OCLN: variants seen among roughly 807,000 people sequenced by gnomAD.
OCLN encodes phosphatase 1, regulatory subunit 115.
Under a neutral mutation model 47.9 loss-of-function variants are expected in OCLN, and 21 were observed. That is an observed-to-expected ratio of 0.44 (90% CI 0.31 to 0.63). The LOEUF is 0.63. Among genes scored for constraint, OCLN ranks in the 30% least tolerant of loss-of-function variants. OCLN has a pLI of 0.08. For synonymous variants in OCLN, 117 were observed against 198.4 expected (o/e 0.59, Z 3.45); for missense variants, 360 against 571.0 (o/e 0.63, Z 3.77).
Position 69,493,336 on chromosome 5 carries a change from AGGCGGCTGTTC to A in OCLN, c.-69+443_-69+453del, listed in dbSNP as rs1768195805. On this transcript the variant is annotated intron_variant, in intron 1 of 8. Transcript: ENST00000396442. The surrounding 1 kb of genome is among the most constrained non-coding windows in gnomAD (Gnocchi z 5.3). ...GGGTCCTAAGCCTGAGGCTGCAGCGAGGCGGCTGTTCGGCGGCCCGGGCGGCTTAGATCCCG... is the reference window on the plus strand; with the variant it reads ...GGGTCCTAAGCCTGAGGCTGCAGCGAGGCGGCCCGGGCGGCTTAGATCCCG... Among the ~76,000 whole-genome samples the A allele has an allele frequency of 6.6e-6, 1 of 151,826 alleles. No individual in the cohort carries two copies. Among genetic ancestry groups the A allele is most frequent in the African/African-American group, 2.4e-5 (1 of 41,308 alleles).
At chr5:69,527,521 T>C (rs1042705492) in intron 4 of OCLN, among the ~76,000 whole-genome samples, 7 of 152,210 alleles carry the variant, frequency 4.6e-5, no homozygotes, top group African/African-American at 1.7e-4. Flanking sequence ...TGTGGGTACA[T>C]AGTAGGCTTA....
intron 4 of OCLN, among the ~76,000 whole-genome samples, chr5:69,526,573 T>C (rs1014588774): frequency 6.6e-6 from 1 of 152,188 alleles, no homozygotes; most frequent in Non-Finnish European, 1.5e-5. Flanking sequence ...TAATAACTTA[T>C]TGACTCTCAG....
rs553840104 is a variant in OCLN, at chr5:69,503,954, G to A, written c.-68-223G>A. On this transcript the variant is annotated intron_variant, in intron 1 of 8. Coordinates refer to ENST00000396442, the MANE Select transcript of OCLN (RefSeq NM_001205254.2). ...TTTTGTACAAAAAATACAGGAATTA[G>A]CCAGGCATGGTGGTGCAGGTCTGTA... Among the ~76,000 whole-genome samples, 5 of 152,120 alleles carry A rather than the reference G, an allele frequency of 3.3e-5. No homozygotes were observed. In the South Asian group the frequency reaches 8.3e-4, roughly 25 times the overall value.
chr5:69,513,317 T>A (rs1461257368), intron 3 of OCLN, among the ~76,000 whole-genome samples: 1 of 152,228 alleles, frequency 6.6e-6, no homozygotes, highest in South Asian at 2.1e-4. Context: ...GGGCCCTTTC[T>A]AGTAGTATGC....
At chr5:69,522,838 C>A (rs1769176771) in intron 4 of OCLN, among the ~76,000 whole-genome samples, 1 of 151,534 alleles carries the variant, frequency 6.6e-6, no homozygotes, top group African/African-American at 2.4e-5. Context: ...GCAGTCCTCC[C>A]ACCTCAGCCT....
chr5:69,494,433 G>A (rs534138384), intron 1 of OCLN, among the ~76,000 whole-genome samples: 21 of 152,322 alleles, frequency 1.4e-4, no homozygotes, highest in African/African-American at 4.8e-4. Context: ...TGATTCGCCC[G>A]CCTTGGCCTC....
chr5:69,496,225 A>C (rs945728083), intron 1 of OCLN, among the ~76,000 whole-genome samples: 1 of 151,810 alleles, frequency 6.6e-6, no homozygotes, highest in African/African-American at 2.4e-5. Context: ...CGGCCTCCCG[A>C]GTAGTTGGGA....
chr5:69,509,097 T>C (rs1183735730), intron 2 of OCLN, 44 bp from the exon 3 acceptor site: 7 of 1,529,496 alleles, frequency 4.6e-6, no homozygotes, highest in Admixed American at 1.7e-5. Context: ...TTCTGCTTAC[T>C]ACCAAAAAAT....
At position 69,493,784 on chromosome 5, in the gene OCLN, A is replaced by C. The variant is rs980854386; in HGVS notation, c.-69+884A>C. On this transcript the variant is annotated intron_variant, in intron 1 of 8. Coordinates refer to ENST00000396442, the MANE Select transcript of OCLN (RefSeq NM_001205254.2). The surrounding 1 kb of genome is among the most constrained non-coding windows in gnomAD (Gnocchi z 5.3). ...ACTGGGCCGGCCCCGCGCGCCAGCC[A>C]TGTTGCCTGCGTCGGAGGAAGCGTG... 1.3e-5 allele frequency among the ~76,000 whole-genome samples: 2 copies of C among 152,138 alleles called. No homozygotes were observed. The highest frequency in any genetic ancestry group is 4.8e-5 in the African/African-American group (2 of 41,444).
chr5:69,533,039 G>GCACA (rs1769482901), intron 4 of OCLN, among the ~76,000 whole-genome samples: 1 of 145,414 alleles, frequency 6.9e-6, no homozygotes, highest in African/African-American at 2.6e-5. Context: ...ACACACACAT[G>GCACA]TATATATACA....
At chr5:69,503,202 T>C (rs1396422360) in intron 1 of OCLN, among the ~76,000 whole-genome samples, 1 of 152,116 alleles carries the variant, frequency 6.6e-6, no homozygotes, top group African/African-American at 2.4e-5. Flanking sequence ...CACACCTAGG[T>C]TTGCTGCTGC....
At chr5:69,514,858 C>T (rs1282125703) in intron 4 of OCLN, among the ~76,000 whole-genome samples, 2 of 152,212 alleles carry the variant, frequency 1.3e-5, no homozygotes, top group Non-Finnish European at 2.9e-5. Flanking sequence ...CACCGATCAA[C>T]AGGATCACAA....
chr5:69,512,546 A>G (rs1768817090), intron 3 of OCLN, among the ~76,000 whole-genome samples: 1 of 152,142 alleles, frequency 6.6e-6, no homozygotes, highest in South Asian at 2.1e-4. Context: ...TTGCATTTCC[A>G]TATGGATTTT....
Position 69,555,597 on chromosome 5 carries a change from A to C in OCLN, c.*1926A>C, listed in dbSNP as rs1769959516. 1 of 152,052 alleles carries C rather than the reference A, an allele frequency of 6.6e-6. No individual in the cohort carries two copies. Among genetic ancestry groups the C allele is most frequent in the Non-Finnish European group, 1.5e-5 (1 of 68,018 alleles). The allele number at this position is 152,052 out of a possible 1,614,324, so 9.4% of individuals were successfully genotyped here. On this transcript the variant is annotated 3_prime_UTR_variant, in exon 9 of 9. Transcript: ENST00000396442. ...AATTTTTGATAGATGATTTTGAATT[A>C]TTTTCCAGAGATAAAATTTTAAATG...
chr5:69,536,464 A>G (rs1340134068), intron 5 of OCLN, among the ~76,000 whole-genome samples: 4 of 131,986 alleles, frequency 3.0e-5, no homozygotes, highest in African/African-American at 1.1e-4. Flanking sequence ...TGAGGTCAGG[A>G]GTTCGAGACC....
intron 4 of OCLN, among the ~76,000 whole-genome samples, chr5:69,518,901 G>A (rs1263119437): frequency 2.0e-5 from 3 of 152,138 alleles, no homozygotes; most frequent in Non-Finnish European, 2.9e-5. Context: ...CAGTACTTGC[G>A]AGGCCAAGGA....
At chr5:69,523,692 C>T (rs1417457703) in intron 4 of OCLN, among the ~76,000 whole-genome samples, 1 of 152,034 alleles carries the variant, frequency 6.6e-6, no homozygotes, top group Non-Finnish European at 1.5e-5. Flanking sequence ...TGTGTCACCA[C>T]ACCCAGCTAA....
At position 69,493,992 on chromosome 5, in the gene OCLN, C is replaced by A. The variant is rs1341421840; in HGVS notation, c.-69+1092C>A. Reference sequence around the variant, plus strand: ...GGAATTACCCTGCTCGAGGAGGAGGCGGCGGCTTTCCAGGCCAGTCAGTGT... The same window carrying A: ...GGAATTACCCTGCTCGAGGAGGAGGAGGCGGCTTTCCAGGCCAGTCAGTGT... On this transcript the variant is annotated intron_variant, in intron 1 of 8. Transcript: ENST00000396442. This position sits in a 1 kb window ranked among gnomAD's most constrained non-coding sequence, Gnocchi z 5.3. Among the ~76,000 whole-genome samples the A allele has an allele frequency of 6.6e-6, 1 of 152,168 alleles. No individual in the cohort carries two copies. Among genetic ancestry groups the A allele is most frequent in the Non-Finnish European group, 1.5e-5 (1 of 68,030 alleles).
chr5:69,502,196 CA>C (rs575237563), intron 1 of OCLN, among the ~76,000 whole-genome samples: 942 of 74,534 alleles, frequency 0.013, 2 homozygotes, highest in African/African-American at 0.035. Context: ...AGACTCGGCT[CA>C]AAAAAAAAAA....
Sources: gnomAD v4.1 joint callset for allele counts (sites outside exome capture counted in the v4.1 genomes callset) on GRCh38, gnomAD v4.1.1 for gene constraint, Gnocchi (gnomAD v3.1) non-coding constraint, MANE v1.5 for transcripts, NCBI Gene and HGNC (gene_info 2026-07-23, HGNC 2026-07-21) for gene names.